The following MAGI1 variants were observed in gnomAD, a reference collection of about 807,000 sequenced individuals.
MAGI1 encodes membrane associated guanylate kinase, WW and PDZ domain containing 1.
A neutral mutation model predicts 139.9 loss-of-function variants in MAGI1; 58 were observed. The observed-to-expected ratio is 0.41, with a 90% CI of 0.34 to 0.52. MAGI1 has a LOEUF of 0.52. Among genes scored for constraint, MAGI1 ranks in the 20% least tolerant of loss-of-function variants. The pLI, the probability that MAGI1 is intolerant of heterozygous loss-of-function variation, is 0.12. For missense variants in MAGI1, 1,874 were observed against 1,901.6 expected (o/e 0.99, Z 0.27); for synonymous variants, 812 against 737.9 (o/e 1.10, Z -1.63).
chr3:65,602,179 A>G (rs9840174), intron 2 of MAGI1, among the ~76,000 whole-genome samples: 29,902 of 152,152 alleles, frequency 0.2, 3,337 homozygotes, highest in Middle Eastern at 0.28. Context: ...TAAATTTATG[A>G]TATGACCAAA....
intron 1 of MAGI1, among the ~76,000 whole-genome samples, chr3:65,858,408 G>A (rs2059438765): frequency 6.6e-6 from 1 of 152,072 alleles, no homozygotes; most frequent in Non-Finnish European, 1.5e-5. Context: ...CACATCAATG[G>A]GTCTCTGCTG....
At chr3:65,898,400 T>C (rs1344001161) in intron 1 of MAGI1, among the ~76,000 whole-genome samples, 3 of 152,186 alleles carry the variant, frequency 2.0e-5, no homozygotes, top group Admixed American at 2.0e-4. Flanking sequence ...TCATAAAAAG[T>C]AGGCATTTAC....
Position 65,437,212 on chromosome 3 carries a change from C to A in MAGI1, c.1306G>T (p.Val436Phe), listed in dbSNP as rs544009720. The change falls in exon 10 of 23, where the codon GTT becomes TTT. Residue 436 changes from valine to phenylalanine, a missense_variant. Physicochemically the swap from Val to Phe is conservative, Grantham distance 50. Transcript: ENST00000402939. ...TEDHSALVPP[V>F]IPNHPPSNPE... The stretch of plus-strand genomic sequence containing the variant: ...TTGCTTGGAGGGTGGTTTGGAATAA[C>A]AGGAGGCACAAGGGCTGAGTGATCT... The A allele has an allele frequency of 4.3e-6, 7 of 1,612,194 alleles. No individual in the cohort carries two copies. The African/African-American group carries it at 6.7e-5, about 15-fold the overall frequency.
intron 2 of MAGI1, among the ~76,000 whole-genome samples, chr3:65,549,672 C>A (rs888051279): frequency 1.3e-5 from 2 of 152,100 alleles, no homozygotes; most frequent in African/African-American, 4.8e-5. Flanking sequence ...CCTGCCCGCC[C>A]CCATCCTCAG....
chr3:65,615,932 T>G (rs189615145), intron 2 of MAGI1, among the ~76,000 whole-genome samples: 29 of 152,326 alleles, frequency 1.9e-4, no homozygotes, highest in Non-Finnish European at 3.7e-4. Flanking sequence ...GGCAATCTTG[T>G]GTTTAAAGTG....
intron 12 of MAGI1, among the ~76,000 whole-genome samples, chr3:65,408,495 C>T (rs950748546): frequency 5.3e-5 from 8 of 152,150 alleles, no homozygotes; most frequent in Admixed American, 1.3e-4. Flanking sequence ...GAGGCAAAGT[C>T]ACAATGGGGT....
Position 65,461,637 on chromosome 3 carries a change from C to T in MAGI1, c.960-8297G>A, listed in dbSNP as rs541571611. Among the ~76,000 whole-genome samples the T allele has an allele frequency of 2.2e-4, 34 of 151,338 alleles. No individual in the cohort carries two copies. The East Asian group carries it at 3.5e-3, about 16-fold the overall frequency. ...CCGAGTAGCTGGGACTACAGGCGCCCGCCACCACGCCTGGCTAATTTTCTG... is the reference window on the plus strand; with the variant it reads ...CCGAGTAGCTGGGACTACAGGCGCCTGCCACCACGCCTGGCTAATTTTCTG... On this transcript the variant is annotated intron_variant, in intron 5 of 22. Coordinates refer to ENST00000402939, the MANE Select transcript of MAGI1 (RefSeq NM_001033057.2).
chr3:65,620,628 G>A (rs1322736893), intron 2 of MAGI1, among the ~76,000 whole-genome samples: 1 of 152,124 alleles, frequency 6.6e-6, no homozygotes, highest in African/African-American at 2.4e-5. Context: ...AAATTACTAC[G>A]AGGTTATTAC....
chr3:65,758,685 A>C (rs1477212043), intron 1 of MAGI1, among the ~76,000 whole-genome samples: 1 of 152,160 alleles, frequency 6.6e-6, no homozygotes, highest in Non-Finnish European at 1.5e-5. Flanking sequence ...GATACTGCTA[A>C]ATACCCTACA....
chr3:65,450,925 G>A (rs1472139906), intron 6 of MAGI1, among the ~76,000 whole-genome samples: 1 of 152,014 alleles, frequency 6.6e-6, no homozygotes, highest in Non-Finnish European at 1.5e-5. Context: ...GCGTTAACTG[G>A]CAACAGAAAA....
chr3:65,985,539 T>C (rs1390373596), intron 1 of MAGI1, among the ~76,000 whole-genome samples: 2 of 152,206 alleles, frequency 1.3e-5, no homozygotes, highest in Non-Finnish European at 2.9e-5. Context: ...AAAGATTACA[T>C]GGAATTGAAC....
intron 1 of MAGI1, among the ~76,000 whole-genome samples, chr3:65,879,831 A>T (rs1290880646): frequency 6.6e-6 from 1 of 152,262 alleles, no homozygotes; most frequent in African/African-American, 2.4e-5. Flanking sequence ...CACACAGCTG[A>T]TAAGTGGGCT....
At chr3:65,904,078 G>C (rs1040396337) in intron 1 of MAGI1, among the ~76,000 whole-genome samples, 3 of 152,042 alleles carry the variant, frequency 2.0e-5, no homozygotes, top group Non-Finnish European at 4.4e-5. Context: ...AAATTAGAAA[G>C]GAGCACAGAC....
At chr3:65,770,660 G>A (rs967822607) in intron 1 of MAGI1, among the ~76,000 whole-genome samples, 4 of 152,212 alleles carry the variant, frequency 2.6e-5, no homozygotes, top group South Asian at 4.2e-4. Context: ...GCATATAGGC[G>A]TATCCTTTTT....
At chr3:65,999,733 T>C (rs1266659280) in intron 1 of MAGI1, among the ~76,000 whole-genome samples, 1 of 152,106 alleles carries the variant, frequency 6.6e-6, no homozygotes. Context: ...CACAATCGTT[T>C]TGCCATTAAG....
chr3:65,734,466 A>G (rs2034502139), intron 1 of MAGI1, among the ~76,000 whole-genome samples: 1 of 151,362 alleles, frequency 6.6e-6, no homozygotes. Flanking sequence ...TCAAGAAAAA[A>G]AAAAAAAGAA....
intron 1 of MAGI1, among the ~76,000 whole-genome samples, chr3:65,851,374 T>TA (rs2059195772): frequency 6.6e-6 from 1 of 152,206 alleles, no homozygotes; most frequent in Non-Finnish European, 1.5e-5. Context: ...CACAATGACT[T>TA]ATGAGTATTA....
At chr3:65,969,511 T>A (rs750399129) in intron 1 of MAGI1, among the ~76,000 whole-genome samples, 2 of 152,188 alleles carry the variant, frequency 1.3e-5, no homozygotes, top group Non-Finnish European at 2.9e-5. Flanking sequence ...CTGAACTGCT[T>A]GCTCATTCAC....
intron 1 of MAGI1, among the ~76,000 whole-genome samples, chr3:65,984,596 C>G (rs1231744688): frequency 6.6e-6 from 1 of 150,834 alleles, no homozygotes; most frequent in Non-Finnish European, 1.5e-5. Flanking sequence ...GTGTTACGAT[C>G]ACCACTCACT....
Sources: gnomAD v4.1 joint callset for allele counts (sites outside exome capture counted in the v4.1 genomes callset) on GRCh38, gnomAD v4.1.1 for gene constraint, MANE v1.5 for transcripts, NCBI Gene and HGNC (gene_info 2026-07-23, HGNC 2026-07-21) for gene names.